Variants in TENM4 observed in about 807,000 individuals in gnomAD.
TENM4 encodes the protein teneurin transmembrane protein 4.
In TENM4, 82 loss-of-function variants were observed where a neutral mutation model predicts 243.3. The observed-to-expected ratio is 0.34, with a 90% confidence interval of 0.28 to 0.40. The LOEUF (loss-of-function observed/expected upper bound fraction) is 0.40, where lower values mean the gene tolerates loss of function less well. Among genes scored for constraint, TENM4 ranks in the 10% least tolerant of loss-of-function variants. The probability of loss-of-function intolerance (pLI) is 1.00; values close to 1 mark genes in which losing one functional copy is unlikely to be tolerated. For synonymous variants in TENM4, 1,412 were observed against 1,456.3 expected (o/e 0.97, Z 0.69); for missense variants, 3,138 against 3,673.3 (o/e 0.85, Z 3.77).
intron 1 of TENM4, among the ~76,000 whole-genome samples, chr11:79,307,135 A>G (rs1338307602): frequency 6.6e-6 from 1 of 152,138 alleles, no homozygotes; most frequent in African/African-American, 2.4e-5. Context: ...CAACAACCCT[A>G]TAAAGTCGGT....
At chr11:78,929,222 C>G (rs1332152364) in intron 6 of TENM4, among the ~76,000 whole-genome samples, 1 of 152,198 alleles carries the variant, frequency 6.6e-6, no homozygotes, top group Non-Finnish European at 1.5e-5. Flanking sequence ...ATTCCAGACA[C>G]TCAAGGAGGG....
At chr11:78,933,175 C>A (rs117659563) in intron 6 of TENM4, among the ~76,000 whole-genome samples, 3 of 152,056 alleles carry the variant, frequency 2.0e-5, no homozygotes, top group Non-Finnish European at 2.9e-5. Context: ...TAAAAGGCTG[C>A]CCAGTGCTTC....
intron 26 of TENM4, among the ~76,000 whole-genome samples, chr11:78,708,984 T>TTTTTTTTTTTTTTTTTA (rs59432159): frequency 6.9e-6 from 1 of 145,256 alleles, no homozygotes; most frequent in African/African-American, 2.7e-5. Flanking sequence ...TTTTTTTTTT[T>TTTTTTTTTTTTTTTTTA]AAAAAAAGAG....
intron 6 of TENM4, among the ~76,000 whole-genome samples, chr11:79,013,243 C>T (rs553626980): frequency 2.0e-5 from 3 of 152,252 alleles, no homozygotes; most frequent in African/African-American, 7.2e-5. Flanking sequence ...AGACTATCCT[C>T]CACCCATTTC....
At chr11:78,926,620 A>C (rs1856556275) in intron 6 of TENM4, among the ~76,000 whole-genome samples, 1 of 151,942 alleles carries the variant, frequency 6.6e-6, no homozygotes, top group African/African-American at 2.4e-5. Flanking sequence ...GTAACTTTTA[A>C]AATTTTGTAC....
intron 1 of TENM4, among the ~76,000 whole-genome samples, chr11:79,409,306 G>T (rs890449641): frequency 1.3e-5 from 2 of 152,074 alleles, no homozygotes; most frequent in African/African-American, 4.8e-5. Flanking sequence ...GAGCTGTTTA[G>T]GAGTGTTTAA....
At chr11:78,684,486 G>A (rs1858609062) in intron 29 of TENM4, among the ~76,000 whole-genome samples, 1 of 152,118 alleles carries the variant, frequency 6.6e-6, no homozygotes, top group African/African-American at 2.4e-5. Flanking sequence ...TGTGTCTCTT[G>A]TCTCTCCTCT....
intron 9 of TENM4, among the ~76,000 whole-genome samples, chr11:78,864,722 G>GTCCCTGGA (rs1858921138): frequency 6.6e-6 from 1 of 152,128 alleles, no homozygotes; most frequent in African/African-American, 2.4e-5. Context: ...ATGGAAGTAA[G>GTCCCTGGA]CGCTCAAGTC....
intron 6 of TENM4, among the ~76,000 whole-genome samples, chr11:78,963,044 C>T (rs895014868): frequency 2.0e-5 from 3 of 152,208 alleles, no homozygotes; most frequent in African/African-American, 7.2e-5. Flanking sequence ...TATTCAGAAT[C>T]TAACATAATG....
intron 29 of TENM4, among the ~76,000 whole-genome samples, chr11:78,685,021 GC>G (rs112707144): frequency 0.04 from 6,101 of 151,522 alleles, 237 homozygotes; most frequent in African/African-American, 0.09. Context: ...CTTCAAACAG[GC>G]CCCCCCCACT....
At chr11:79,429,383 G>C (rs1859120906) in intron 1 of TENM4, among the ~76,000 whole-genome samples, 1 of 152,106 alleles carries the variant, frequency 6.6e-6, no homozygotes, top group African/African-American at 2.4e-5. Context: ...GTGCTGACAG[G>C]GTCCAGAAGC....
At chr11:78,971,918 G>T (rs1002104960) in intron 6 of TENM4, among the ~76,000 whole-genome samples, 2 of 152,114 alleles carry the variant, frequency 1.3e-5, no homozygotes, top group Non-Finnish European at 2.9e-5. Flanking sequence ...ATTAAGTGAC[G>T]TGGGAAATAG....
intron 2 of TENM4, among the ~76,000 whole-genome samples, chr11:79,278,922 C>T (rs568211873): frequency 6.6e-6 from 1 of 152,190 alleles, no homozygotes; most frequent in Non-Finnish European, 1.5e-5. Flanking sequence ...AAAGGGAAAT[C>T]TCACAGGCAC....
At chr11:78,712,005 C>T (rs961096874) in intron 26 of TENM4, among the ~76,000 whole-genome samples, 19 of 152,188 alleles carry the variant, frequency 1.2e-4, no homozygotes, top group Non-Finnish European at 1.0e-4. Context: ...TTGAGACCTA[C>T]AGTTAACCCA....
intron 3 of TENM4, among the ~76,000 whole-genome samples, chr11:79,202,215 T>A (rs1466652646): frequency 6.6e-6 from 1 of 152,182 alleles, no homozygotes; most frequent in East Asian, 1.9e-4. Flanking sequence ...CCACTCTGAC[T>A]GCCAGGTCTT....
intron 6 of TENM4, among the ~76,000 whole-genome samples, chr11:78,904,869 G>A (rs980755865): frequency 5.3e-5 from 8 of 152,192 alleles, no homozygotes; most frequent in African/African-American, 1.9e-4. Flanking sequence ...GGCAAGTTGT[G>A]GAGGTAAATC....
chr11:79,019,925 C>G (rs1565170061), intron 6 of TENM4, among the ~76,000 whole-genome samples: 1 of 152,166 alleles, frequency 6.6e-6, no homozygotes, highest in Admixed American at 6.5e-5. Flanking sequence ...AAGTGAAAGA[C>G]AGGTGCCAAG....
At chr11:78,677,249 CTTTT>C (rs67423363) in intron 29 of TENM4, among the ~76,000 whole-genome samples, 1 of 137,094 alleles carries the variant, frequency 7.3e-6, no homozygotes, top group African/African-American at 2.7e-5. Context: ...AAGGGTTGAA[CTTTT>C]TTTTTTTTTT....
rs1327135273 is a variant in TENM4 at position 78,670,070 on chromosome 11, G to A, written c.6275C>T (p.Thr2092Ile). 6.2e-7 allele frequency: 1 copy of A among 1,613,950 alleles called. No homozygotes were observed. The highest frequency in any genetic ancestry group is 8.5e-7 in the Non-Finnish European group (1 of 1,179,882). The change falls in exon 32 of 34, where the codon ACC becomes ATC. Residue 2092 changes from threonine (T) to isoleucine (I), a missense_variant. Around this residue, in one of 2 missense-constraint regions of TENM4, gnomAD observed 2,467 missense variants for 3,059.1 expected, o/e 0.81. Transcript: ENST00000278550. The stretch of plus-strand genomic sequence containing the variant: ...CTCGTTGATCACAGCCTGCATGCTG[G>A]TCACCCGGAAGCTGTTGTCATAGTT... ...DYNYDNSFRV[T>I]SMQAVINETP... is the part of the protein sequence containing the mutation.
Sources: allele counts gnomAD v4.1 joint callset (sites outside exome capture counted in the v4.1 genomes callset), GRCh38; gene constraint gnomAD v4.1.1; regional missense constraint gnomAD v4.1.1; transcripts MANE v1.5; gene names NCBI Gene and HGNC (gene_info 2026-07-23, HGNC 2026-07-21).